BTBD2: variants seen among roughly 807,000 people sequenced by gnomAD.
The protein encoded by BTBD2 is BTB/POZ domain-containing protein 2.
Under a neutral mutation model 44.0 loss-of-function variants are expected in BTBD2, and 15 were observed. The ratio of observed to expected loss-of-function variants is 0.34; its 90% CI spans 0.23 to 0.53. The LOEUF is 0.53. Among genes scored for constraint, BTBD2 ranks in the 20% least tolerant of loss-of-function variants. BTBD2 has a pLI of 0.95. For synonymous variants in BTBD2, 443 were observed against 335.9 expected (o/e 1.32, Z -3.49); for missense variants, 657 against 746.4 (o/e 0.88, Z 1.39).
chr19:1,986,254 C>T lies in BTBD2; in HGVS notation c.*234G>A, dbSNP rs531184354. ...GTCCCTAGTCCTGAGGGATTGTCTC[C>T]ACAGGGCCTGGCCACTGGCCTGGCC... On this transcript the variant is annotated 3_prime_UTR_variant, in exon 9 of 9. Coordinates refer to ENST00000255608, the MANE Select transcript of BTBD2 (RefSeq NM_017797.4). 1.6e-5 allele frequency: 9 copies of T among 572,542 alleles called. No individual in the cohort carries two copies. The highest frequency in any genetic ancestry group is 1.3e-4 in the African/African-American group (7 of 53,300). 35.5% of individuals were successfully genotyped at this position (572,542 alleles called of 1,614,324 possible). A position where few individuals can be genotyped will look rare whatever the true frequency, so the allele number is the denominator to read the frequency against.
Position 1,997,418 on chromosome 19 carries a change from G to A in BTBD2, c.453C>T (p.Asn151=), listed in dbSNP as rs766008900. The change falls in exon 2 of 9, where the codon AAC becomes AAT. Residue 151 remains asparagine (N), a synonymous_variant. Transcript: ENST00000255608. ...CCGTGGATGTTGTGGCCATTCCCCC[G>A]TTGAACATGGCATCAAAGACGGCGC... is the stretch of plus-strand genomic sequence containing the variant. The part of the protein sequence containing the change: ...VGSAVFDAMF[N]GGMATTSTEI... 5 of 1,614,036 alleles carry A rather than the reference G, an allele frequency of 3.1e-6. No individual in the cohort carries two copies. The highest frequency in any genetic ancestry group is 3.3e-5 in the Admixed American group (2 of 59,990).
chr19:2,005,996 G>A (rs1190139172), intron 1 of BTBD2, among the ~76,000 whole-genome samples: 1 of 151,690 alleles, frequency 6.6e-6, no homozygotes, highest in Non-Finnish European at 1.5e-5. Context: ...GCTAAGGTGG[G>A]AGGACTGTTT....
At chr19:1,996,131 T>A (rs955144267) in intron 2 of BTBD2, among the ~76,000 whole-genome samples, 1 of 152,218 alleles carries the variant, frequency 6.6e-6, no homozygotes, top group Admixed American at 6.5e-5. Context: ...GGTATTTATT[T>A]CTGAGCTCTC....
chr19:1,992,181 C>G (rs1044098341), intron 3 of BTBD2: 1 of 152,156 alleles, frequency 6.6e-6, no homozygotes, highest in Non-Finnish European at 1.5e-5. Flanking sequence ...CAGCCTCAAC[C>G]TCCCGGGCTC....
At chr19:2,001,254 T>C (rs1167189224) in intron 1 of BTBD2, among the ~76,000 whole-genome samples, 2 of 151,342 alleles carry the variant, frequency 1.3e-5, no homozygotes, top group South Asian at 2.1e-4. Context: ...TCCCAGCACT[T>C]TGGGGGGCCG....
In BTBD2 at chr19:1,990,198, G is replaced by GT; in HGVS notation, c.793dup (p.Thr265AsnfsTer15). 6.3e-7 allele frequency: 1 copy of GT among 1,594,556 alleles called. No homozygotes were observed. Among genetic ancestry groups the GT allele is most frequent in the Non-Finnish European group, 8.5e-7 (1 of 1,171,542 alleles). ...GTCGCGCTCCAGGACAGCCACCAGC[G>GT]TGTCTGTGGGGTGGAGGAAGGGGCT... is the stretch of plus-strand genomic sequence containing the variant. On this transcript the variant is annotated frameshift_variant, in exon 5 of 9. Coordinates refer to ENST00000255608, the MANE Select transcript of BTBD2 (RefSeq NM_017797.4). LOFTEE classifies it high-confidence loss of function.
intron 3 of BTBD2, chr19:1,991,065 G>A (rs1012609380): frequency 2.2e-6 from 1 of 453,068 alleles, no homozygotes; most frequent in Non-Finnish European, 4.0e-6. Flanking sequence ...GGCCAAGGAA[G>A]GAAGAAAAAG....
At chr19:2,004,874 T>A (rs958297717) in intron 1 of BTBD2, among the ~76,000 whole-genome samples, 1 of 151,662 alleles carries the variant, frequency 6.6e-6, no homozygotes, top group African/African-American at 2.4e-5. Flanking sequence ...CAGGCTGGAG[T>A]GCAGTGGTGC....
chr19:2,007,834 T>C (rs998956027), intron 1 of BTBD2, among the ~76,000 whole-genome samples: 2 of 151,596 alleles, frequency 1.3e-5, no homozygotes, highest in African/African-American at 4.9e-5. Flanking sequence ...TCTCAAAAAA[T>C]AATAAAACAA....
At chr19:2,007,937 G>C (rs142260719) in intron 1 of BTBD2, among the ~76,000 whole-genome samples, 9 of 152,076 alleles carry the variant, frequency 5.9e-5, no homozygotes, top group African/African-American at 1.7e-4. Context: ...TATCTGTAGG[G>C]TGGACAGATG....
intron 2 of BTBD2, among the ~76,000 whole-genome samples, chr19:1,993,824 C>G (rs544077709): frequency 6.7e-6 from 1 of 149,998 alleles, no homozygotes; most frequent in Non-Finnish European, 1.5e-5. Context: ...TGGTGAAACC[C>G]CGTCTCTACT....
At chr19:1,991,983 C>G (rs1424738962) in intron 3 of BTBD2, 1 of 152,028 alleles carries the variant, frequency 6.6e-6, no homozygotes, top group African/African-American at 2.4e-5. Context: ...ACTGTGGAGG[C>G]TGAGGCAGGA....
rs888456056 is a variant in BTBD2 at position 1,986,446 on chromosome 19, G to A, written c.*42C>T. On this transcript the variant is annotated 3_prime_UTR_variant, in exon 9 of 9. Coordinates refer to ENST00000255608, the MANE Select transcript of BTBD2 (RefSeq NM_017797.4). ...GCAGCAGATGATGGCCTGGGGCTGC[G>A]GCTATCCCCACGGAGGGAGGGCGGT... is the stretch of plus-strand genomic sequence containing the variant. The A allele has an allele frequency of 1.7e-5, 28 of 1,605,422 alleles. No homozygotes were observed. Among genetic ancestry groups the A allele is most frequent in the Admixed American group, 5.0e-5 (3 of 59,790 alleles).
At chr19:1,997,296 C>T (rs1446006719) in intron 2 of BTBD2, 48 bp downstream of exon 2, 7 of 1,611,686 alleles carry the variant, frequency 4.3e-6, no homozygotes, top group Non-Finnish European at 5.9e-6. Flanking sequence ...CTCTGAGGTC[C>T]CCCTCCCCAG....
intron 1 of BTBD2, among the ~76,000 whole-genome samples, chr19:2,006,911 G>A (rs2016402091): frequency 6.6e-6 from 1 of 152,044 alleles, no homozygotes; most frequent in Non-Finnish European, 1.5e-5. Flanking sequence ...AGGCTGGAGT[G>A]CAGTGACGCG....
At chr19:1,993,290 G>T in intron 2 of BTBD2, 114 bp from the exon 3 acceptor site, 1 of 1,398,258 alleles carries the variant, frequency 7.2e-7, no homozygotes, top group Non-Finnish European at 9.5e-7. Context: ...TGAGCTGGCA[G>T]GACCCAAACA....
intron 1 of BTBD2, among the ~76,000 whole-genome samples, chr19:1,999,237 C>G (rs1241093505): frequency 6.6e-6 from 1 of 152,180 alleles, no homozygotes; most frequent in African/African-American, 2.4e-5. Flanking sequence ...TCCACATGGG[C>G]CCCGACCACA....
intron 1 of BTBD2, among the ~76,000 whole-genome samples, chr19:2,011,217 C>T (rs1411392058): frequency 1.3e-5 from 2 of 152,112 alleles, no homozygotes; most frequent in African/African-American, 4.8e-5. Context: ...CCCACGCCCT[C>T]ACCTGCCAAG....
At chr19:2,000,180 CCACT>C (rs2016310729) in intron 1 of BTBD2, among the ~76,000 whole-genome samples, 1 of 152,136 alleles carries the variant, frequency 6.6e-6, no homozygotes, top group South Asian at 2.1e-4. Context: ...GAGGATGAAC[CCACT>C]GAGTTTGACC....
Sources: allele counts gnomAD v4.1 joint callset (sites outside exome capture counted in the v4.1 genomes callset), GRCh38; gene constraint gnomAD v4.1.1; transcripts MANE v1.5; gene names NCBI Gene and HGNC (gene_info 2026-07-23, HGNC 2026-07-21).